The following LMOD1 variants were observed in gnomAD, a reference collection of about 807,000 sequenced individuals.
LMOD1 encodes the protein leiomodin 1.
Under a neutral mutation model 36.5 loss-of-function variants are expected in LMOD1, and 8 were observed. That is an observed-to-expected ratio of 0.22 (90% CI 0.13 to 0.40). The LOEUF (loss-of-function observed/expected upper bound fraction) is 0.40. Ranked by LOEUF, LMOD1 falls within the 10% of genes least tolerant of loss-of-function variation. The pLI is 1.00. For missense variants in LMOD1, 630 were observed against 751.1 expected (o/e 0.84, Z 1.88); for synonymous variants, 284 against 288.7 (o/e 0.98, Z 0.17).
At chr1:201,937,450 CAAACAAACAAAAAA>C (rs1682036668) in intron 1 of LMOD1, among the ~76,000 whole-genome samples, 1 of 149,776 alleles carries the variant, frequency 6.7e-6, no homozygotes, top group African/African-American at 2.5e-5. Context: ...CTGTCTCAAA[CAAACAAACAAAAAA>C]AAACAAAAAC....
At position 201,898,331 on chromosome 1, in the gene LMOD1, A is replaced by AGCAGTCATGGCATTG. The variant is rs1681226790; in HGVS notation, c.*26_*40dup. On this transcript the variant is annotated 3_prime_UTR_variant, in exon 3 of 3. Transcript: ENST00000367288. ...GTGTAGCCCTGGGAGGTGAGGCCTGAGCAGTCATGGCATTGGCAGATGGTG... is the reference window on the plus strand; with the variant it reads ...GTGTAGCCCTGGGAGGTGAGGCCTGAGCAGTCATGGCATTGGCAGTCATGGCATTGGCAGATGGTG... 3.7e-6 allele frequency: 6 copies of AGCAGTCATGGCATTG among 1,604,820 alleles called. No individual in the cohort carries two copies. Among genetic ancestry groups the AGCAGTCATGGCATTG allele is most frequent in the African/African-American group, 1.3e-5 (1 of 74,780 alleles).
rs1001380173 is a variant in LMOD1, at chr1:201,903,445, G to A, written c.262-2694C>T. ...CCTCCCACTCACTCAGGCCCCCAGGGAACTGGGTTTGACCCTCAGATCAAC... is the reference window on the plus strand; with the variant it reads ...CCTCCCACTCACTCAGGCCCCCAGGAAACTGGGTTTGACCCTCAGATCAAC... On this transcript the variant is annotated intron_variant, in intron 1 of 2. Coordinates refer to ENST00000367288, the MANE Select transcript of LMOD1 (RefSeq NM_012134.3). 2.1e-4 allele frequency among the ~76,000 whole-genome samples: 32 copies of A among 152,216 alleles called. 1 individual carries two copies. Among genetic ancestry groups the A allele is most frequent in the African/African-American group, 7.5e-4 (31 of 41,448 alleles).
At chr1:201,938,025 A>G (rs574906400) in intron 1 of LMOD1, among the ~76,000 whole-genome samples, 1 of 152,236 alleles carries the variant, frequency 6.6e-6, no homozygotes, top group South Asian at 2.1e-4. Context: ...ACTAATGTTC[A>G]TGGGCCTTTA....
At position 201,946,419 on chromosome 1, in the gene LMOD1, G is replaced by C; in HGVS notation, c.-79C>G. On this transcript the variant is annotated 5_prime_UTR_variant, in exon 1 of 3. It adds an upstream start codon to the 5' untranslated region. Transcript: ENST00000367288. ...GAAGGGAGAGGGGTGAGCTGATCTG[G>C]ATGCAGCGAGTGGGCTGAGGAGCAA... The C allele has an allele frequency of 6.7e-7, 1 of 1,484,650 alleles. No individual in the cohort carries two copies. The highest frequency in any genetic ancestry group is 9.2e-7 in the Non-Finnish European group (1 of 1,088,680). 92.0% of individuals were successfully genotyped at this position (1,484,650 alleles called of 1,614,324 possible).
intron 1 of LMOD1, among the ~76,000 whole-genome samples, chr1:201,921,487 C>CAAAA (rs57488982): frequency 8.4e-5 from 5 of 59,798 alleles, no homozygotes; most frequent in Middle Eastern, 0.013. Context: ...GACTCCATCT[C>CAAAA]AAAAAAAAAA....
chr1:201,904,293 C>T (rs1337807200), intron 1 of LMOD1, among the ~76,000 whole-genome samples: 6 of 152,210 alleles, frequency 3.9e-5, no homozygotes, highest in Non-Finnish European at 1.5e-5. Context: ...TCACTGCAAC[C>T]TCTGCCTTCT....
intron 1 of LMOD1, among the ~76,000 whole-genome samples, chr1:201,931,034 A>G (rs936186841): frequency 2.0e-5 from 3 of 152,206 alleles, no homozygotes; most frequent in African/African-American, 7.2e-5. Flanking sequence ...GATAGTGAGC[A>G]TGGATGCCAT....
At chr1:201,912,062 G>A (rs974509363) in intron 1 of LMOD1, among the ~76,000 whole-genome samples, 2 of 152,166 alleles carry the variant, frequency 1.3e-5, no homozygotes, top group African/African-American at 4.8e-5. Context: ...GCTAATGTAT[G>A]TGGAGCACAG....
Position 201,899,138 on chromosome 1 carries a change from G to T in LMOD1, c.1776+99C>A. 1 of 1,122,346 alleles carries T rather than the reference G, an allele frequency of 8.9e-7. No homozygotes were observed. The highest frequency in any genetic ancestry group is 2.9e-5 in the Admixed American group (1 of 34,958). The allele number at this position is 1,122,346 out of a possible 1,614,324, so 69.5% of individuals were successfully genotyped here. A position where few individuals can be genotyped will look rare whatever the true frequency, so the allele number is the denominator to read the frequency against. ...CTGGGAGTCTATATCATCTGCAGCC[G>T]ACATAAGCTCCTCTGCATGCCTTCC... On this transcript the variant is annotated intron_variant, in intron 2 of 2. Transcript: ENST00000367288. The surrounding 1 kb of genome is among the most constrained non-coding windows in gnomAD (Gnocchi z 6.3).
At position 201,900,147 on chromosome 1, in the gene LMOD1, T is replaced by G. The variant is rs748544886; in HGVS notation, c.866A>C (p.Lys289Thr). ...EKEAKDDSKTKTPEKQTPSGP... is the reference protein window; with the variant it reads ...EKEAKDDSKTTTPEKQTPSGP... ...ACTGGGCGTCTGTTTCTCGGGTGTT[T>G]TGGTCTTGCTGTCATCCTTGGCTTC... The change falls in exon 2 of 3, where the codon AAA (lysine) becomes ACA (threonine). Residue 289 changes from lysine (K) to threonine (T), a missense_variant. By Grantham distance (78) the Lys-to-Thr change is moderately conservative (BLOSUM62 -1). Coordinates refer to ENST00000367288, the MANE Select transcript of LMOD1 (RefSeq NM_012134.3). The G allele has an allele frequency of 3.7e-6, 6 of 1,613,986 alleles. No homozygotes were observed. The South Asian group carries it at 6.6e-5, about 18-fold the overall frequency.
intron 1 of LMOD1, among the ~76,000 whole-genome samples, chr1:201,933,229 C>T (rs746317769): frequency 2.2e-4 from 34 of 151,976 alleles, no homozygotes; most frequent in Non-Finnish European, 3.7e-4. Context: ...GCCTGGCCAA[C>T]GTGGTGAAAC....
intron 1 of LMOD1, among the ~76,000 whole-genome samples, chr1:201,916,418 G>A (rs1420982191): frequency 2.0e-5 from 3 of 152,168 alleles, no homozygotes; most frequent in East Asian, 1.9e-4. Flanking sequence ...GGAGGCTGAG[G>A]TGAGAGGATC....
intron 1 of LMOD1, among the ~76,000 whole-genome samples, chr1:201,923,180 A>T (rs1681735186): frequency 6.6e-6 from 1 of 152,072 alleles, no homozygotes; most frequent in African/African-American, 2.4e-5. Flanking sequence ...GCGCTGGAGC[A>T]TGGCCAGTAC....
chr1:201,928,732 T>C (rs1056664002), intron 1 of LMOD1, among the ~76,000 whole-genome samples: 1 of 152,232 alleles, frequency 6.6e-6, no homozygotes, highest in East Asian at 1.9e-4. Context: ...ATTACTATTA[T>C]TGAGACAGAG....
intron 1 of LMOD1, among the ~76,000 whole-genome samples, chr1:201,917,380 G>A (rs745860564): frequency 3.9e-5 from 6 of 152,020 alleles, no homozygotes; most frequent in Non-Finnish European, 7.3e-5. Context: ...AGACAGAGGC[G>A]TTTTGAGGTG....
intron 1 of LMOD1, among the ~76,000 whole-genome samples, chr1:201,911,931 A>G (rs1167108017): frequency 6.6e-6 from 1 of 152,218 alleles, no homozygotes; most frequent in Non-Finnish European, 1.5e-5. Flanking sequence ...AATGGCACTA[A>G]CTACAGGGAG....
chr1:201,904,402 G>A (rs1054773617), intron 1 of LMOD1, among the ~76,000 whole-genome samples: 1 of 152,130 alleles, frequency 6.6e-6, no homozygotes, highest in South Asian at 2.1e-4. Context: ...TAGAGACGGG[G>A]TTTCTCCATG....
chr1:201,903,350 G>T (rs779494113), intron 1 of LMOD1, among the ~76,000 whole-genome samples: 1 of 151,976 alleles, frequency 6.6e-6, no homozygotes, highest in African/African-American at 2.4e-5. Context: ...TGCCCTGCAG[G>T]CCCCAAGGTC....
chr1:201,943,331 T>C (rs1682151537), intron 1 of LMOD1, among the ~76,000 whole-genome samples: 1 of 152,236 alleles, frequency 6.6e-6, no homozygotes, highest in Admixed American at 6.5e-5. Context: ...CTCCCAAGAA[T>C]CGTAAGGCTT....
Sources: allele counts gnomAD v4.1 joint callset (sites outside exome capture counted in the v4.1 genomes callset), GRCh38; gene constraint gnomAD v4.1.1; non-coding constraint Gnocchi (gnomAD v3.1); transcripts MANE v1.5; gene names NCBI Gene and HGNC (gene_info 2026-07-23, HGNC 2026-07-21).